Variants in RANBP17 observed in about 807,000 individuals in gnomAD.
The protein encoded by RANBP17 is ran-binding protein 17.
A neutral mutation model predicts 141.2 loss-of-function variants in RANBP17; 158 were observed. The ratio of observed to expected loss-of-function variants is 1.12; its 90% CI spans 0.98 to 1.28. RANBP17 has a LOEUF of 1.28. Ranked by LOEUF, RANBP17 falls within the 50% of genes most tolerant of loss-of-function variation. The pLI is 0.00. For synonymous variants in RANBP17, 430 were observed against 450.0 expected (o/e 0.96, Z 0.56); for missense variants, 1,438 against 1,290.7 (o/e 1.11, Z -1.75).
intron 22 of RANBP17, among the ~76,000 whole-genome samples, chr5:171,223,485 A>T (rs1165646663): frequency 1.3e-5 from 2 of 152,158 alleles, no homozygotes; most frequent in Non-Finnish European, 2.9e-5. Flanking sequence ...AATACAAAAA[A>T]TTAGCCAGGC....
intron 11 of RANBP17, among the ~76,000 whole-genome samples, chr5:170,921,437 A>G (rs574639049): frequency 3.3e-5 from 5 of 151,768 alleles, no homozygotes; most frequent in Middle Eastern, 3.4e-3. Context: ...GTTCTGTTCC[A>G]TTGGTCTATA....
At chr5:171,217,159 T>C (rs1455842455) in intron 21 of RANBP17, among the ~76,000 whole-genome samples, 1 of 152,176 alleles carries the variant, frequency 6.6e-6, no homozygotes, top group African/African-American at 2.4e-5. Context: ...TATGCGTCTG[T>C]TGAGATAATC....
intron 14 of RANBP17, among the ~76,000 whole-genome samples, chr5:171,122,473 A>G (rs1169096265): frequency 6.6e-6 from 1 of 152,232 alleles, no homozygotes; most frequent in Admixed American, 6.5e-5. Context: ...CACATTGAAT[A>G]GAGCTTCTAG....
chr5:170,892,365 C>A (rs1459777872), intron 3 of RANBP17, 22 bp from the exon 4 acceptor site: 1 of 1,441,236 alleles, frequency 6.9e-7, no homozygotes, highest in African/African-American at 1.5e-5. Flanking sequence ...TCCAGATGAC[C>A]CATGGAGTGT....
At chr5:171,252,582 A>G (rs1340522173) in intron 24 of RANBP17, 2 of 1,351,626 alleles carry the variant, frequency 1.5e-6, no homozygotes, top group Non-Finnish European at 2.1e-6. Context: ...TTCTAGCTCC[A>G]CACCTGAAGA....
At position 170,978,445 on chromosome 5, in the gene RANBP17, A is replaced by G. The variant is rs72827507; in HGVS notation, c.1710+10068A>G. Among the ~76,000 whole-genome samples, 219 of 152,262 alleles carry G rather than the reference A, an allele frequency of 1.4e-3. 3 individuals carry two copies. The highest frequency in any genetic ancestry group is 2.4e-3 in the Non-Finnish European group (161 of 67,966). ...AATATCCAAGAACTGGGAACAACCC[A>G]AGTGTCTGTCAGCAGTCAAATGGAT... On this transcript the variant is annotated intron_variant, in intron 14 of 27. Transcript: ENST00000523189.
At chr5:171,132,984 C>CA (rs1350447283) in intron 14 of RANBP17, among the ~76,000 whole-genome samples, 1 of 152,040 alleles carries the variant, frequency 6.6e-6, no homozygotes, top group Non-Finnish European at 1.5e-5. Flanking sequence ...CTTCTGGTTT[C>CA]AAGTGATTCT....
chr5:171,261,411 A>G (rs540620259), intron 24 of RANBP17, among the ~76,000 whole-genome samples: 4 of 152,284 alleles, frequency 2.6e-5, no homozygotes, highest in Non-Finnish European at 5.9e-5. Context: ...CCTTCAGACT[A>G]TATTTTTCTA....
chr5:171,102,495 A>G (rs763744198), intron 14 of RANBP17, among the ~76,000 whole-genome samples: 1 of 151,930 alleles, frequency 6.6e-6, no homozygotes, highest in Non-Finnish European at 1.5e-5. Flanking sequence ...CAATTCCTCT[A>G]ACCTTTTATT....
At chr5:171,063,804 G>C (rs923969766) in intron 14 of RANBP17, among the ~76,000 whole-genome samples, 1 of 152,194 alleles carries the variant, frequency 6.6e-6, no homozygotes, top group Admixed American at 6.5e-5. Context: ...CTTGAGCTGT[G>C]GTGGGCTCCA....
chr5:171,138,731 G>A (rs1757484702), intron 14 of RANBP17, among the ~76,000 whole-genome samples: 1 of 152,066 alleles, frequency 6.6e-6, no homozygotes. Context: ...TAAATGGATG[G>A]TATATAGGAA....
chr5:171,217,091 A>G (rs1046400564), intron 21 of RANBP17, among the ~76,000 whole-genome samples: 7 of 152,064 alleles, frequency 4.6e-5, no homozygotes, highest in African/African-American at 1.4e-4. Context: ...TTCCGTCAAT[A>G]CCTAGTTTAT....
chr5:171,020,073 G>A (rs144100666), intron 14 of RANBP17, among the ~76,000 whole-genome samples: 146 of 152,292 alleles, frequency 9.6e-4, no homozygotes, highest in Admixed American at 1.9e-3. Context: ...CCATGTAATT[G>A]TGTGGTTTTG....
chr5:171,270,769 C>G (rs1767050285), intron 25 of RANBP17, among the ~76,000 whole-genome samples: 1 of 152,060 alleles, frequency 6.6e-6, no homozygotes, highest in African/African-American at 2.4e-5. Context: ...GACACTGATC[C>G]TGAAAGCTTC....
chr5:170,897,442 A>T, intron 5 of RANBP17: 1 of 381,366 alleles, frequency 2.6e-6, no homozygotes, highest in Non-Finnish European at 5.0e-6. Context: ...GTTCTTGGAT[A>T]CATGTGCAGA....
intron 14 of RANBP17, among the ~76,000 whole-genome samples, chr5:171,055,908 A>C (rs896852044): frequency 2.1e-5 from 3 of 144,500 alleles, no homozygotes; most frequent in Non-Finnish European, 4.6e-5. Flanking sequence ...AAAAAAAAAA[A>C]CATTCTTATT....
chr5:171,001,543 A>G (rs1458175479), intron 14 of RANBP17, among the ~76,000 whole-genome samples: 1 of 152,072 alleles, frequency 6.6e-6, no homozygotes, highest in Non-Finnish European at 1.5e-5. Flanking sequence ...TCCATGCAGG[A>G]GCTTAAATGG....
intron 14 of RANBP17, among the ~76,000 whole-genome samples, chr5:170,973,565 C>T (rs186298384): frequency 3.9e-5 from 6 of 152,192 alleles, no homozygotes; most frequent in African/African-American, 1.2e-4. Flanking sequence ...AATCAACATT[C>T]GGTTATATAA....
intron 14 of RANBP17, among the ~76,000 whole-genome samples, chr5:171,130,431 C>T (rs370490913): frequency 9.6e-4 from 86 of 89,986 alleles, no homozygotes; most frequent in Non-Finnish European, 1.1e-3. Flanking sequence ...TTTAAAAAGA[C>T]TTTTTTTTTT....
Sources: gnomAD v4.1 joint callset for allele counts (sites outside exome capture counted in the v4.1 genomes callset) on GRCh38, gnomAD v4.1.1 for gene constraint, MANE v1.5 for transcripts, NCBI Gene and HGNC (gene_info 2026-07-23, HGNC 2026-07-21) for gene names.